ILRUN: variants seen among roughly 807,000 people sequenced by gnomAD.
The protein encoded by ILRUN is inflammation and lipid regulator with UBA-like and NBR1-like domains, also known as protein ILRUN.
In ILRUN, 3 loss-of-function variants were observed where a neutral mutation model predicts 33.8. The observed-to-expected ratio is 0.09, with a 90% CI of 0.04 to 0.23. The LOEUF (loss-of-function observed/expected upper bound fraction) is 0.23, where lower values mean the gene tolerates loss of function less well. Among genes scored for constraint, ILRUN ranks in the 10% least tolerant of loss-of-function variants. The pLI is 1.00. For missense variants in ILRUN, 210 were observed against 375.1 expected (o/e 0.56, Z 3.64); for synonymous variants, 124 against 138.9 (o/e 0.89, Z 0.75).
intron 3 of ILRUN, among the ~76,000 whole-genome samples, chr6:34,642,834 A>G (rs1762499479): frequency 6.7e-6 from 1 of 149,070 alleles, no homozygotes; most frequent in Non-Finnish European, 1.5e-5. Flanking sequence ...CCAAAAAAAA[A>G]AAAAAAAAAA....
rs1257308327 is a variant in ILRUN, at chr6:34,592,536, G to A, written c.862-1936C>T. Among the ~76,000 whole-genome samples, 1 of 152,172 alleles carries A rather than the reference G, an allele frequency of 6.6e-6. No homozygotes were observed. The highest frequency in any genetic ancestry group is 1.5e-5 in the Non-Finnish European group (1 of 68,034). On this transcript the variant is annotated intron_variant, in intron 4 of 4. Transcript: ENST00000374023. This position sits in a 1 kb window ranked among gnomAD's most constrained non-coding sequence, Gnocchi z 4.0. ...GGTAGGGGGGGTCCCATACATCAGA[G>A]GTATCAAGTTCACGCAAAAGTAATT...
intron 3 of ILRUN, among the ~76,000 whole-genome samples, chr6:34,639,554 T>C (rs1487957630): frequency 3.3e-5 from 5 of 152,160 alleles, no homozygotes; most frequent in African/African-American, 9.7e-5. Flanking sequence ...GAACTGAGTA[T>C]CTTCTAGCAG....
Position 34,589,859 on chromosome 6 carries a change from TC to T in ILRUN, c.*705del, listed in dbSNP as rs1407119039. On this transcript the variant is annotated 3_prime_UTR_variant, in exon 5 of 5. Coordinates refer to ENST00000374023, the MANE Select transcript of ILRUN (RefSeq NM_024294.4). ...CTGCTGGCCACACAGGGAAGTTTGG[TC>T]TTCAGAGAGGTTCTGATGCTAACAA... is the stretch of plus-strand genomic sequence containing the variant. 7 of 151,914 alleles carry T rather than the reference TC, an allele frequency of 4.6e-5. No homozygotes were observed. The highest frequency in any genetic ancestry group is 1.7e-4 in the African/African-American group (7 of 41,460). 9.4% of individuals were successfully genotyped at this position (151,914 alleles called of 1,614,324 possible).
At chr6:34,617,900 GAA>G (rs1285850495) in intron 3 of ILRUN, among the ~76,000 whole-genome samples, 1 of 152,228 alleles carries the variant, frequency 6.6e-6, no homozygotes, top group African/African-American at 2.4e-5. Context: ...ACGCAGGAAA[GAA>G]GAGAAGCCTA....
chr6:34,687,418 G>A (rs749470147), intron 1 of ILRUN, among the ~76,000 whole-genome samples: 12 of 152,080 alleles, frequency 7.9e-5, no homozygotes, highest in Non-Finnish European at 1.8e-4. Context: ...AATATTGGCT[G>A]GGCGTGGTGG....
intron 1 of ILRUN, among the ~76,000 whole-genome samples, chr6:34,682,450 C>T (rs963963990): frequency 4.0e-5 from 6 of 150,274 alleles, no homozygotes; most frequent in Non-Finnish European, 8.9e-5. Context: ...AGTAGAGACA[C>T]GGTTTCACCA....
intron 1 of ILRUN, among the ~76,000 whole-genome samples, chr6:34,664,150 C>T (rs1373837387): frequency 6.6e-6 from 1 of 152,174 alleles, no homozygotes; most frequent in Non-Finnish European, 1.5e-5. Context: ...ACCTCCAGAA[C>T]TGCTAAAATT....
At chr6:34,652,876 C>G (rs952921019) in intron 2 of ILRUN, among the ~76,000 whole-genome samples, 4 of 152,028 alleles carry the variant, frequency 2.6e-5, no homozygotes, top group African/African-American at 9.7e-5. Flanking sequence ...TAATTTAAGG[C>G]CAGGTGCAGT....
chr6:34,640,313 C>G (rs960090984), intron 3 of ILRUN, among the ~76,000 whole-genome samples: 1 of 151,786 alleles, frequency 6.6e-6, no homozygotes, highest in South Asian at 2.1e-4. Context: ...CAAGCTGAAA[C>G]AGGGTGGAGG....
At chr6:34,610,357 A>G (rs945363997) in intron 3 of ILRUN, among the ~76,000 whole-genome samples, 7 of 152,094 alleles carry the variant, frequency 4.6e-5, no homozygotes, top group African/African-American at 2.4e-5. Context: ...AATCAATCCA[A>G]TGAAGTGGGA....
At chr6:34,618,952 G>T (rs577320283) in intron 3 of ILRUN, among the ~76,000 whole-genome samples, 17 of 152,290 alleles carry the variant, frequency 1.1e-4, no homozygotes, top group African/African-American at 4.1e-4. Context: ...TGTTTCAAGA[G>T]GACAGAGGAC....
intron 4 of ILRUN, 57 bp from the exon 5 acceptor site, chr6:34,590,657 C>A: frequency 8.0e-7 from 1 of 1,247,514 alleles, no homozygotes; most frequent in Non-Finnish European, 1.2e-6. Flanking sequence ...ACTTGACAAC[C>A]AAACCAAGTG....
intron 3 of ILRUN, among the ~76,000 whole-genome samples, chr6:34,638,027 C>T (rs1186327640): frequency 6.6e-6 from 1 of 152,108 alleles, no homozygotes; most frequent in African/African-American, 2.4e-5. Flanking sequence ...GCTGGGATTA[C>T]AGGTGTGTGC....
rs375148122 is a variant in ILRUN at position 34,626,389 on chromosome 6, T to C, written c.512-19485A>G. On this transcript the variant is annotated intron_variant, in intron 3 of 4. Transcript: ENST00000374023. The stretch of plus-strand genomic sequence containing the variant: ...GGGTCTTCCAATATATTGCCCAGGC[T>C]GGTCTCAAACTCCTAGGCCTCAAGC... Among the ~76,000 whole-genome samples the C allele has an allele frequency of 3.3e-5, 5 of 152,106 alleles. No individual in the cohort carries two copies. In the East Asian group the frequency reaches 5.9e-4, roughly 18 times the overall value.
Position 34,646,831 on chromosome 6 carries a change from A to C in ILRUN, c.314-33T>G. The C allele has an allele frequency of 1.3e-6, 2 of 1,598,688 alleles. No individual in the cohort carries two copies. The highest frequency in any genetic ancestry group is 1.3e-5 in the African/African-American group (1 of 74,760). ...CAAGCAAAAGAAAAAAATGTTAGGC[A>C]ATCAATGGTCCTATGCTGGGTGCAG... is the stretch of plus-strand genomic sequence containing the variant. On this transcript the variant is annotated intron_variant, in intron 2 of 4. Coordinates refer to ENST00000374023, the MANE Select transcript of ILRUN (RefSeq NM_024294.4). The surrounding 1 kb of genome is among the most constrained non-coding windows in gnomAD (Gnocchi z 4.9).
intron 1 of ILRUN, among the ~76,000 whole-genome samples, chr6:34,696,119 A>C (rs1247114421): frequency 6.6e-6 from 1 of 151,886 alleles, no homozygotes; most frequent in Non-Finnish European, 1.5e-5. Flanking sequence ...TTTCCTCCCA[A>C]GTCTACCCAC....
chr6:34,631,331 C>T (rs74381905), intron 3 of ILRUN, among the ~76,000 whole-genome samples: 5 of 142,678 alleles, frequency 3.5e-5, no homozygotes, highest in Non-Finnish European at 6.2e-5. Flanking sequence ...CCATTCCCCT[C>T]TTTTTTTTTT....
chr6:34,593,933 A>C (rs1196088365), intron 4 of ILRUN, among the ~76,000 whole-genome samples: 3 of 152,154 alleles, frequency 2.0e-5, no homozygotes, highest in African/African-American at 7.2e-5. Flanking sequence ...TAGGCCAAGC[A>C]GGAAGACCAT....
intron 1 of ILRUN, chr6:34,685,440 A>G (rs1452831666): frequency 6.6e-6 from 1 of 152,052 alleles, no homozygotes; most frequent in Non-Finnish European, 1.5e-5. Context: ...GACCTGCTCC[A>G]TTTCTGACCT....
Sources: gnomAD v4.1 joint callset for allele counts (sites outside exome capture counted in the v4.1 genomes callset) on GRCh38, gnomAD v4.1.1 for gene constraint, Gnocchi (gnomAD v3.1) non-coding constraint, MANE v1.5 for transcripts, NCBI Gene and HGNC (gene_info 2026-07-23, HGNC 2026-07-21) for gene names.